WWOX: variants seen among roughly 807,000 people sequenced by gnomAD.
The protein encoded by WWOX is WW domain containing oxidoreductase.
In WWOX, 69 loss-of-function variants were observed where a neutral mutation model predicts 46.2. That is an observed-to-expected ratio of 1.49 (90% confidence interval 1.23 to 1.82). WWOX has a LOEUF of 1.82. Among genes scored for constraint, WWOX ranks in the 40% most tolerant of loss-of-function variants. The pLI, the probability that WWOX is intolerant of heterozygous loss-of-function variation, is 0.00. For missense variants in WWOX, 919 were observed against 542.6 expected (o/e 1.69, Z -6.89); for synonymous variants, 359 against 202.6 (o/e 1.77, Z -6.56).
chr16:78,310,092 TATC>T (rs1167446869), intron 5 of WWOX, among the ~76,000 whole-genome samples: 1 of 152,148 alleles, frequency 6.6e-6, no homozygotes, highest in African/African-American at 2.4e-5. Flanking sequence ...CTTTTCTTTC[TATC>T]ATCATCCATA....
chr16:78,385,422 A>G (rs2082041803), intron 5 of WWOX, among the ~76,000 whole-genome samples: 1 of 152,186 alleles, frequency 6.6e-6, no homozygotes, highest in South Asian at 2.1e-4. Flanking sequence ...GAACTTATGA[A>G]CATGTATCGT....
At chr16:78,306,590 A>G (rs2080138063) in intron 5 of WWOX, among the ~76,000 whole-genome samples, 1 of 152,156 alleles carries the variant, frequency 6.6e-6, no homozygotes, top group Admixed American at 6.5e-5. Context: ...CTTACTCCAG[A>G]TCAAAGAGTT....
chr16:78,745,730 CCTCCTCCTT>C (rs1371170419), intron 8 of WWOX, among the ~76,000 whole-genome samples: 1 of 151,128 alleles, frequency 6.6e-6, no homozygotes, highest in Non-Finnish European at 1.5e-5. Context: ...TTCTTCTTTT[CCTCCTCCTT>C]CTCCTCCTCC....
chr16:78,374,815 G>C (rs961841937), intron 5 of WWOX, among the ~76,000 whole-genome samples: 13 of 152,002 alleles, frequency 8.6e-5, no homozygotes, highest in Admixed American at 3.3e-4. Context: ...CTCCCAAAGT[G>C]CTAAGATTAC....
chr16:78,748,697 G>GC (rs1239116331), intron 8 of WWOX, among the ~76,000 whole-genome samples: 1 of 152,202 alleles, frequency 6.6e-6, no homozygotes, highest in Non-Finnish European at 1.5e-5. Flanking sequence ...TGCTGTCAGG[G>GC]CCCGTGGCAA....
intron 5 of WWOX, among the ~76,000 whole-genome samples, chr16:78,349,341 C>G (rs8057971): frequency 0.51 from 60,317 of 119,260 alleles, 23,653 homozygotes; most frequent in African/African-American, 0.65. Flanking sequence ...TGAGGTAGTA[C>G]GGGTTAGGTC....
intron 8 of WWOX, among the ~76,000 whole-genome samples, chr16:79,125,770 G>A (rs2049739900): frequency 6.6e-6 from 1 of 152,170 alleles, no homozygotes; most frequent in Non-Finnish European, 1.5e-5. Context: ...GGGTTCTTTG[G>A]ACTTCAGAGC....
chr16:78,809,152 A>G (rs1168984991), intron 8 of WWOX, among the ~76,000 whole-genome samples: 1 of 152,002 alleles, frequency 6.6e-6, no homozygotes, highest in African/African-American at 2.4e-5. Context: ...CTCAGATGCA[A>G]TCTCAAGTCA....
At chr16:78,726,005 TTC>T (rs1053508433) in intron 8 of WWOX, among the ~76,000 whole-genome samples, 33 of 150,956 alleles carry the variant, frequency 2.2e-4, no homozygotes, top group Admixed American at 1.6e-3. Flanking sequence ...CTCCTTCTTC[TTC>T]TCTTTGTTCT....
In WWOX at chr16:78,257,693, A is replaced by G. The variant is rs932344779; in HGVS notation, c.516+93404A>G. ...CTGCATTGGGAGGCTTAAAAAAAAG[A>G]AAAATTAGATCCCAGATTCTTTATT... is the stretch of plus-strand genomic sequence containing the variant. On this transcript the variant is annotated intron_variant, in intron 5 of 8. Transcript: ENST00000566780. Among the ~76,000 whole-genome samples the G allele has an allele frequency of 4.6e-5, 7 of 151,368 alleles. 1 individual carries two copies. Among genetic ancestry groups the G allele is most frequent in the Admixed American group, 1.3e-4 (2 of 15,158 alleles).
chr16:78,788,796 A>G (rs181721092), intron 8 of WWOX, among the ~76,000 whole-genome samples: 2 of 152,236 alleles, frequency 1.3e-5, no homozygotes, highest in African/African-American at 2.4e-5. Flanking sequence ...CTGACTTGCT[A>G]TTGGTGTCTG....
intron 8 of WWOX, among the ~76,000 whole-genome samples, chr16:78,774,124 TG>T (rs1161985487): frequency 6.6e-6 from 1 of 152,182 alleles, no homozygotes; most frequent in African/African-American, 2.4e-5. Flanking sequence ...ACTTCTAGGC[TG>T]GGTGCAGTGA....
chr16:79,008,641 C>T (rs2047238729), intron 8 of WWOX, among the ~76,000 whole-genome samples: 1 of 152,166 alleles, frequency 6.6e-6, no homozygotes, highest in Non-Finnish European at 1.5e-5. Context: ...AAGGACAGAG[C>T]TTGGGCATGC....
intron 8 of WWOX, among the ~76,000 whole-genome samples, chr16:78,753,214 G>T (rs560375391): frequency 3.0e-4 from 45 of 152,144 alleles, no homozygotes; most frequent in African/African-American, 1.0e-3. Flanking sequence ...ACAGGATAAT[G>T]GTGTGAATCC....
At chr16:78,530,708 C>T (rs1483994074) in intron 8 of WWOX, among the ~76,000 whole-genome samples, 1 of 152,176 alleles carries the variant, frequency 6.6e-6, no homozygotes, top group South Asian at 2.1e-4. Context: ...ACGGACCTGC[C>T]CTCTTCTGCC....
chr16:78,366,377 G>C (rs960358766), intron 5 of WWOX, among the ~76,000 whole-genome samples: 4 of 152,134 alleles, frequency 2.6e-5, no homozygotes, highest in Non-Finnish European at 5.9e-5. Flanking sequence ...GAGACTGTTA[G>C]GCTGTTTTTT....
At chr16:78,303,304 T>A (rs1460495752) in intron 5 of WWOX, among the ~76,000 whole-genome samples, 1 of 152,216 alleles carries the variant, frequency 6.6e-6, no homozygotes. Flanking sequence ...AAGTATTTTT[T>A]ATGTTGGTCT....
intron 8 of WWOX, among the ~76,000 whole-genome samples, chr16:78,499,381 C>T (rs554892687): frequency 3.3e-5 from 5 of 152,200 alleles, no homozygotes; most frequent in African/African-American, 4.8e-5. Context: ...CCACCAGCCC[C>T]TTTGTGATAG....
chr16:78,609,686 C>T (rs989595215), intron 8 of WWOX, among the ~76,000 whole-genome samples: 6 of 152,122 alleles, frequency 3.9e-5, no homozygotes, highest in African/African-American at 1.4e-4. Flanking sequence ...TCCAAGTTTG[C>T]ATTCTGCCTT....
Sources: gnomAD v4.1 joint callset for allele counts (sites outside exome capture counted in the v4.1 genomes callset) on GRCh38, gnomAD v4.1.1 for gene constraint, MANE v1.5 for transcripts, NCBI Gene and HGNC (gene_info 2026-07-23, HGNC 2026-07-21) for gene names.